The following FBXO28 variants were observed in gnomAD, a reference collection of about 807,000 sequenced individuals.
FBXO28 encodes F-box only protein 28.
A neutral mutation model predicts 38.1 loss-of-function variants in FBXO28; 8 were observed. The ratio of observed to expected loss-of-function variants is 0.21; its 90% confidence interval spans 0.12 to 0.38. FBXO28 has a LOEUF of 0.38. FBXO28 is among the 10% of genes least tolerant of loss of function. The probability of loss-of-function intolerance (pLI) is 1.00; values close to 1 mark genes in which losing one functional copy is unlikely to be tolerated. For missense variants in FBXO28, 345 were observed against 460.6 expected, an observed-to-expected ratio of 0.75 and a Z score of 2.30; for synonymous variants, 168 against 173.8, an observed-to-expected ratio of 0.97 and a Z score of 0.26.
intron 3 of FBXO28, among the ~76,000 whole-genome samples, chr1:224,147,434 AGAG>A (rs1253412281): frequency 6.7e-6 from 1 of 149,192 alleles, no homozygotes; most frequent in Non-Finnish European, 1.5e-5. Context: ...AAAAAAAAAA[AGAG>A]AAGAAAAACA....
intron 4 of FBXO28, among the ~76,000 whole-genome samples, chr1:224,155,492 G>C (rs535495528): frequency 6.6e-6 from 1 of 152,232 alleles, no homozygotes; most frequent in East Asian, 1.9e-4. Context: ...GGTTCATAAG[G>C]CTATTTTGAA....
chr1:224,127,166 G>T (rs967782412), intron 1 of FBXO28, among the ~76,000 whole-genome samples: 12 of 43,428 alleles, frequency 2.8e-4, no homozygotes, highest in African/African-American at 5.8e-4. Context: ...TAAAGTATTT[G>T]TGTGTGTGTG....
At chr1:224,154,729 A>G (rs370266551) in intron 4 of FBXO28, among the ~76,000 whole-genome samples, 168 of 151,348 alleles carry the variant, frequency 1.1e-3, no homozygotes, top group Admixed American at 7.7e-3. Context: ...AATGGCATGA[A>G]CCCAGGAGGC....
intron 1 of FBXO28, among the ~76,000 whole-genome samples, chr1:224,118,082 G>A (rs527348544): frequency 6.6e-5 from 10 of 151,414 alleles, no homozygotes; most frequent in African/African-American, 1.2e-4. Flanking sequence ...GGAATGCAGC[G>A]GCGTGATCAC....
rs1445638419 is a variant in FBXO28 at position 224,160,674 on chromosome 1, T to C, written c.*2928T>C. 1 of 146,748 alleles carries C rather than the reference T, an allele frequency of 6.8e-6. No individual in the cohort carries two copies. The highest frequency in any genetic ancestry group is 1.9e-4 in the East Asian group (1 of 5,132). The allele number at this position is 146,748 out of a possible 1,614,324, so 9.1% of individuals were successfully genotyped here. A position where few individuals can be genotyped will look rare whatever the true frequency, so the allele number is the denominator to read the frequency against. ...AGAGTCATTATACTTTAAAATAGTTTTAAAGACTATTGGGGTACCATCAGG... is the reference window on the plus strand; with the variant it reads ...AGAGTCATTATACTTTAAAATAGTTCTAAAGACTATTGGGGTACCATCAGG... On this transcript the variant is annotated 3_prime_UTR_variant, in exon 5 of 5. Transcript: ENST00000366862.
chr1:224,157,711 C>T lies in FBXO28; in HGVS notation c.1072C>T (p.Leu358Phe), dbSNP rs1222776187. 2.5e-6 allele frequency: 4 copies of T among 1,608,238 alleles called. No individual in the cohort carries two copies. Among genetic ancestry groups the T allele is most frequent in the Non-Finnish European group, 2.5e-6 (3 of 1,178,428 alleles). The change falls in exon 5 of 5, where the codon CTT (leucine) becomes TTT (phenylalanine). Residue 358 changes from leucine to phenylalanine, a missense_variant. Leu to Phe is a conservative substitution (Grantham distance 22). Coordinates refer to ENST00000366862, the MANE Select transcript of FBXO28 (RefSeq NM_015176.4). ...AAAGGCCACGGAAGCCATAGACTCT[C>T]TTAGGAAATCTAAACGTCTTCGGAA... ...RKKATEAIDS[L>F]RKSKRLRNRK
intron 4 of FBXO28, among the ~76,000 whole-genome samples, chr1:224,154,003 C>T (rs554734920): frequency 1.1e-4 from 16 of 151,960 alleles, no homozygotes; most frequent in African/African-American, 3.9e-4. Flanking sequence ...GAGACTGAGG[C>T]GGGAGGATCG....
Position 224,121,279 on chromosome 1 carries a change from A to G in FBXO28, c.267+6883A>G, listed in dbSNP as rs373545948. 1.5e-4 allele frequency among the ~76,000 whole-genome samples: 23 copies of G among 152,342 alleles called. No individual in the cohort carries two copies. The East Asian group carries it at 4.0e-3, about 27-fold the overall frequency. On this transcript the variant is annotated intron_variant, in intron 1 of 4. Transcript: ENST00000366862. ...CTTTTTTATGTGGTGGTTAGGATGC[A>G]TTATAGGAATCCTAAGAAGAAATTC...
At chr1:224,131,653 T>C (rs1455053549) in intron 2 of FBXO28, among the ~76,000 whole-genome samples, 1 of 152,178 alleles carries the variant, frequency 6.6e-6, no homozygotes, top group East Asian at 1.9e-4. Context: ...CCTCATACTG[T>C]ATATAAAAGT....
rs916334673 is a variant in FBXO28 at position 224,127,184 on chromosome 1, A to ATGTG, written c.268-3266_268-3263dup. On this transcript the variant is annotated intron_variant, in intron 1 of 4. Coordinates refer to ENST00000366862, the MANE Select transcript of FBXO28 (RefSeq NM_015176.4). ...AGTATTTGTGTGTGTGTGTGTGTGTATGTGTGTGTGTGTGTGTGTGTGTGT... is the reference window on the plus strand; with the variant it reads ...AGTATTTGTGTGTGTGTGTGTGTGTATGTGTGTGTGTGTGTGTGTGTGTGTGTGT... 7.8e-3 allele frequency among the ~76,000 whole-genome samples: 401 copies of ATGTG among 51,476 alleles called. 1 individual carries two copies. The highest frequency in any genetic ancestry group is 0.022 in the African/African-American group (370 of 16,812). The allele number at this position is 51,476 out of a possible 152,430, so 33.8% of individuals were successfully genotyped here. A position where few individuals can be genotyped will look rare whatever the true frequency, so the allele number is the denominator to read the frequency against.
In FBXO28 at chr1:224,158,784, C is replaced by T. The variant is rs183904197; in HGVS notation, c.*1038C>T. On this transcript the variant is annotated 3_prime_UTR_variant, in exon 5 of 5. Transcript: ENST00000366862. ...GTGAGTGAGTAGGGGACTCGACTTG[C>T]GGGATGCAGTTTTGCCATTGCAGCA... The T allele has an allele frequency of 4.6e-5, 7 of 152,520 alleles. No homozygotes were observed. The East Asian group carries it at 1.4e-3, about 29-fold the overall frequency. 9.4% of individuals were successfully genotyped at this position (152,520 alleles called of 1,614,324 possible).
At chr1:224,132,005 C>T (rs1049888955) in intron 2 of FBXO28, among the ~76,000 whole-genome samples, 3 of 152,124 alleles carry the variant, frequency 2.0e-5, no homozygotes, top group African/African-American at 7.2e-5. Context: ...GTAATCCCAG[C>T]ATGTTGGGGG....
At chr1:224,139,752 A>ATGCATGCATG (rs1553290690) in intron 3 of FBXO28, among the ~76,000 whole-genome samples, 4 of 109,630 alleles carry the variant, frequency 3.6e-5, no homozygotes, top group African/African-American at 1.1e-4. Context: ...ATAAATACAT[A>ATGCATGCATG]CATGCATGCA....
At chr1:224,136,445 C>A (rs986600645) in intron 3 of FBXO28, among the ~76,000 whole-genome samples, 3 of 151,548 alleles carry the variant, frequency 2.0e-5, no homozygotes, top group Non-Finnish European at 4.4e-5. Flanking sequence ...AAGTTTAGGC[C>A]GGGCGCGGTA....
chr1:224,154,535 G>A (rs944891524), intron 4 of FBXO28, among the ~76,000 whole-genome samples: 9 of 152,110 alleles, frequency 5.9e-5, no homozygotes, highest in South Asian at 4.1e-4. Context: ...TTGGCCGGGC[G>A]CGGTGGCTCA....
At chr1:224,119,135 C>CTTTTTTTTTTTTTTTTTTTTT (rs67458349) in intron 1 of FBXO28, among the ~76,000 whole-genome samples, 2 of 109,908 alleles carry the variant, frequency 1.8e-5, no homozygotes, top group Non-Finnish European at 3.4e-5. Flanking sequence ...TCTTTTTTTT[C>CTTTTTTTTTTTTTTTTTTTTT]TTTTTTTTTT....
rs1245373666 is a variant in FBXO28, at chr1:224,153,147, T to G, written c.522T>G (p.Ile174Met). Residue 174 changes from isoleucine to methionine, a missense_variant, in exon 4 of 5, where the codon ATT (isoleucine) becomes ATG (methionine). Around this residue, in one of 6 missense-constraint regions of FBXO28, gnomAD observed 24 missense variants for 24.6 expected, o/e 0.98. Transcript: ENST00000366862. ...ATGAGAATTCATTATTTTAGGTGATTGATGAGATTTATCGTGTGTTGAGAT... is the reference window on the plus strand; with the variant it reads ...ATGAGAATTCATTATTTTAGGTGATGGATGAGATTTATCGTGTGTTGAGAT... ...NLCCFIPGKVIDEIYRVLRYV... is the reference protein window; with the variant it reads ...NLCCFIPGKVMDEIYRVLRYV... 1.3e-6 allele frequency: 2 copies of G among 1,588,078 alleles called. No individual in the cohort carries two copies. The highest frequency in any genetic ancestry group is 1.7e-6 in the Non-Finnish European group (2 of 1,173,474).
intron 3 of FBXO28, among the ~76,000 whole-genome samples, chr1:224,140,168 A>T (rs557792333): frequency 2.6e-5 from 4 of 152,330 alleles, no homozygotes; most frequent in Admixed American, 2.0e-4. Context: ...CTTAGTTCCT[A>T]AATATTTCAT....
chr1:224,130,598 A>G lies in FBXO28; in HGVS notation c.377+17A>G. 6.5e-7 allele frequency: 1 copy of G among 1,526,760 alleles called. No homozygotes were observed. Among genetic ancestry groups the G allele is most frequent in the African/African-American group, 1.4e-5 (1 of 73,348 alleles). 94.6% of individuals were successfully genotyped at this position (1,526,760 alleles called of 1,614,324 possible). On this transcript the variant is annotated intron_variant, in intron 2 of 4. Transcript: ENST00000366862. Reference sequence around the variant, plus strand: ...ACTCCCAAGGTATGTTGTGGGTGGCAATGACAATGATGTACAGTTGGTTTT... The same window carrying G: ...ACTCCCAAGGTATGTTGTGGGTGGCGATGACAATGATGTACAGTTGGTTTT...
Sources: gnomAD v4.1 joint callset for allele counts (sites outside exome capture counted in the v4.1 genomes callset) on GRCh38, gnomAD v4.1.1 for gene constraint, gnomAD v4.1.1 regional missense constraint, MANE v1.5 for transcripts, NCBI Gene and HGNC (gene_info 2026-07-23, HGNC 2026-07-21) for gene names.